The following PITPNC1 variants were observed in gnomAD, a reference collection of about 807,000 sequenced individuals.
PITPNC1 encodes cytoplasmic phosphatidylinositol transfer protein 1.
PITPNC1 carries 18 observed loss-of-function variants against 44.7 expected under a neutral mutation model. The observed-to-expected ratio is 0.40, with a 90% confidence interval of 0.28 to 0.60. The LOEUF is 0.60. Ranked by LOEUF, PITPNC1 falls within the 20% of genes least tolerant of loss-of-function variation. The pLI is 0.39. For synonymous variants in PITPNC1, 141 were observed against 149.6 expected, an observed-to-expected ratio of 0.94 and a Z score of 0.42; for missense variants, 290 against 418.4, an observed-to-expected ratio of 0.69 and a Z score of 2.68.
intron 1 of PITPNC1, among the ~76,000 whole-genome samples, chr17:67,436,908 G>GTTTTTTTT (rs1044625193): frequency 1.5e-5 from 1 of 68,418 alleles, no homozygotes; most frequent in Non-Finnish European, 2.8e-5. Flanking sequence ...AAATAGGGGT[G>GTTTTTTTT]TTTTTTTTTT....
In PITPNC1 at chr17:67,694,842, C is replaced by T. The variant is rs1171387396; in HGVS notation, c.*1954C>T. 3 of 152,116 alleles carry T rather than the reference C, an allele frequency of 2.0e-5. No individual in the cohort carries two copies. Among genetic ancestry groups the T allele is most frequent in the African/African-American group, 7.2e-5 (3 of 41,422 alleles). The allele number at this position is 152,116 out of a possible 1,614,324, so 9.4% of individuals were successfully genotyped here. On this transcript the variant is annotated 3_prime_UTR_variant, in exon 9 of 9. Coordinates refer to ENST00000581322, the MANE Select transcript of PITPNC1 (RefSeq NM_012417.4). ...AGTAGTACTTAATGAAAATGTTTTG[C>T]TTTAGAGAGCAAAATGCTACTTTCA...
At chr17:67,503,600 C>T (rs767805714) in intron 1 of PITPNC1, among the ~76,000 whole-genome samples, 1 of 152,008 alleles carries the variant, frequency 6.6e-6, no homozygotes, top group East Asian at 1.9e-4. Context: ...AAATGATTAG[C>T]GTGCATGGGA....
At chr17:67,494,288 C>T (rs1162198248) in intron 1 of PITPNC1, among the ~76,000 whole-genome samples, 3 of 151,480 alleles carry the variant, frequency 2.0e-5, no homozygotes, top group African/African-American at 7.3e-5. Context: ...GCAACCTCTA[C>T]CTCCTGGGTT....
At chr17:67,592,007 C>T (rs1224443614) in intron 5 of PITPNC1, among the ~76,000 whole-genome samples, 1 of 151,702 alleles carries the variant, frequency 6.6e-6, no homozygotes, top group Admixed American at 6.6e-5. Flanking sequence ...GTCACCACAC[C>T]CAGCGCAATG....
intron 1 of PITPNC1, among the ~76,000 whole-genome samples, chr17:67,419,233 G>C (rs1037933144): frequency 1.1e-4 from 17 of 152,138 alleles, no homozygotes; most frequent in South Asian, 2.1e-4. Context: ...CAGGAGCAGG[G>C]AGTGAGGGGG....
At chr17:67,500,933 T>C (rs2040019254) in intron 1 of PITPNC1, among the ~76,000 whole-genome samples, 1 of 151,874 alleles carries the variant, frequency 6.6e-6, no homozygotes, top group Non-Finnish European at 1.5e-5. Flanking sequence ...CAAGCAGTCC[T>C]CCCATCTCTG....
chr17:67,487,229 T>C (rs1049825940), intron 1 of PITPNC1, among the ~76,000 whole-genome samples: 2 of 152,020 alleles, frequency 1.3e-5, no homozygotes, highest in South Asian at 2.1e-4. Context: ...GGCGGAAGTG[T>C]AGTGGCACGA....
chr17:67,480,718 G>A lies in PITPNC1; in HGVS notation c.49-52084G>A, dbSNP rs145092043. Among the ~76,000 whole-genome samples the A allele has an allele frequency of 3.3e-3, 495 of 152,260 alleles. 4 individuals are homozygous for A. The highest frequency in any genetic ancestry group is 4.4e-3 in the Non-Finnish European group (298 of 68,016). On this transcript the variant is annotated intron_variant, in intron 1 of 8. Transcript: ENST00000581322. Reference sequence around the variant, plus strand: ...TATTAATAGTGGTTATTTAGGGGTAGTAGGATCCAGCATGACTTTTCTTCT... The same window carrying A: ...TATTAATAGTGGTTATTTAGGGGTAATAGGATCCAGCATGACTTTTCTTCT...
rs568898260 is a variant in PITPNC1 at position 67,387,211 on chromosome 17, T to C, written c.48+9009T>C. On this transcript the variant is annotated intron_variant, in intron 1 of 8. Transcript: ENST00000581322. The stretch of plus-strand genomic sequence containing the variant: ...GTAGAGCAGTGTGATGGCCTGCAAC[T>C]GACCAACCTGCCTTTTACTGCCCTT... 6.1e-4 allele frequency among the ~76,000 whole-genome samples: 93 copies of C among 152,340 alleles called. 1 individual carries two copies. Among genetic ancestry groups the C allele is most frequent in the African/African-American group, 2.2e-3 (92 of 41,578 alleles).
chr17:67,430,791 C>CA (rs537953933), intron 1 of PITPNC1, among the ~76,000 whole-genome samples: 1,659 of 137,462 alleles, frequency 0.012, 25 homozygotes, highest in Non-Finnish European at 0.016. Context: ...CTGTCTCTAC[C>CA]AAAAAAAAAA....
rs1268710280 is a variant in PITPNC1 at position 67,631,721 on chromosome 17, A to G, written c.367-422A>G. On this transcript the variant is annotated intron_variant, in intron 5 of 8. Coordinates refer to ENST00000581322, the MANE Select transcript of PITPNC1 (RefSeq NM_012417.4). Reference sequence around the variant, plus strand: ...ATAATTTTAATTTTAAAAAACACACACTTTTCTAACTCTTGGCCTATATCC... The same window carrying G: ...ATAATTTTAATTTTAAAAAACACACGCTTTTCTAACTCTTGGCCTATATCC... Among the ~76,000 whole-genome samples the G allele has an allele frequency of 2.2e-5, 3 of 138,044 alleles. No individual in the cohort carries two copies. The Admixed American group carries it at 2.4e-4, about 11-fold the overall frequency. 90.6% of individuals were successfully genotyped at this position (138,044 alleles called of 152,430 possible).
intron 1 of PITPNC1, chr17:67,459,629 T>A (rs1178058294): frequency 6.6e-6 from 1 of 152,214 alleles, no homozygotes; most frequent in African/African-American, 2.4e-5. Flanking sequence ...GCCCCTACGT[T>A]ATCTTAATTT....
At chr17:67,544,560 G>A (rs1216163898) in intron 2 of PITPNC1, among the ~76,000 whole-genome samples, 2 of 152,214 alleles carry the variant, frequency 1.3e-5, no homozygotes, top group Middle Eastern at 3.2e-3. Flanking sequence ...AGCTTCTAAC[G>A]GTGATTCCGC....
intron 4 of PITPNC1, among the ~76,000 whole-genome samples, chr17:67,567,881 G>A (rs2041001895): frequency 6.6e-6 from 1 of 151,926 alleles, no homozygotes; most frequent in South Asian, 2.1e-4. Flanking sequence ...GCTGAGGCAG[G>A]AGAATCGCTT....
At chr17:67,461,775 T>C (rs569758258) in intron 1 of PITPNC1, among the ~76,000 whole-genome samples, 1 of 152,260 alleles carries the variant, frequency 6.6e-6, no homozygotes, top group Non-Finnish European at 1.5e-5. Flanking sequence ...GACTGCACCA[T>C]TGCACTCCAG....
chr17:67,592,994 C>T (rs189632389), intron 5 of PITPNC1, among the ~76,000 whole-genome samples: 69 of 152,186 alleles, frequency 4.5e-4, no homozygotes, highest in African/African-American at 1.5e-3. Context: ...GTCATGATGG[C>T]GCTACTACAC....
At chr17:67,545,629 AT>A (rs1199314628) in intron 2 of PITPNC1, among the ~76,000 whole-genome samples, 1 of 152,074 alleles carries the variant, frequency 6.6e-6, no homozygotes, top group African/African-American at 2.4e-5. Flanking sequence ...ATTTATTTTT[AT>A]TTTTTTACCA....
chr17:67,659,019 T>C (rs1443158477), intron 6 of PITPNC1, among the ~76,000 whole-genome samples: 1 of 152,216 alleles, frequency 6.6e-6, no homozygotes, highest in Non-Finnish European at 1.5e-5. Context: ...TCCTGTATTT[T>C]AACTCATGAG....
chr17:67,619,742 AC>A (rs2041806840), intron 5 of PITPNC1, among the ~76,000 whole-genome samples: 1 of 83,850 alleles, frequency 1.2e-5, no homozygotes, highest in Non-Finnish European at 2.6e-5. Flanking sequence ...CTCACCCCCC[AC>A]CCCCACCCAG....
Sources: allele counts gnomAD v4.1 joint callset (sites outside exome capture counted in the v4.1 genomes callset), GRCh38; gene constraint gnomAD v4.1.1; transcripts MANE v1.5; gene names NCBI Gene and HGNC (gene_info 2026-07-23, HGNC 2026-07-21).